Variants in TNRC6A observed in about 807,000 individuals in gnomAD.
The protein encoded by TNRC6A is trinucleotide repeat-containing gene 6A protein.
In TNRC6A, 44 loss-of-function variants were observed where a neutral mutation model predicts 221.2. The observed-to-expected ratio is 0.20, with a 90% CI of 0.16 to 0.26. The LOEUF is 0.26. Among genes scored for constraint, TNRC6A ranks in the 10% least tolerant of loss-of-function variants. TNRC6A has a pLI of 1.00. For synonymous variants in TNRC6A, 847 were observed against 838.5 expected (o/e 1.01, Z -0.18); for missense variants, 2,199 against 2,404.4 (o/e 0.91, Z 1.79).
chr16:24,822,067 C>G lies in TNRC6A; in HGVS notation c.5303-10C>G. On this transcript the variant is annotated splice_polypyrimidine_tract_variant and intron_variant, in intron 22 of 24. Coordinates refer to ENST00000395799, the MANE Select transcript of TNRC6A (RefSeq NM_014494.4). Reference sequence around the variant, plus strand: ...TGGAAAACTGACTTGTCCTTTTTTTCCTTGTTTAGGTTCCAGCTGGGGTGA... The same window carrying G: ...TGGAAAACTGACTTGTCCTTTTTTTGCTTGTTTAGGTTCCAGCTGGGGTGA... 1 of 1,609,978 alleles carries G rather than the reference C, an allele frequency of 6.2e-7. No individual in the cohort carries two copies.
At chr16:24,747,373 GT>G (rs1387015146) in intron 2 of TNRC6A, among the ~76,000 whole-genome samples, 2 of 152,142 alleles carry the variant, frequency 1.3e-5, no homozygotes, top group Admixed American at 1.3e-4. Context: ...GGGGAGTCTG[GT>G]TTTTACAGAC....
chr16:24,677,705 G>A (rs553517020), intron 2 of TNRC6A, among the ~76,000 whole-genome samples: 1 of 152,108 alleles, frequency 6.6e-6, no homozygotes, highest in Non-Finnish European at 1.5e-5. Context: ...ACTCCATGAG[G>A]GTTTGAGCTT....
chr16:24,737,308 TTTGA>T (rs2056792172), intron 2 of TNRC6A, among the ~76,000 whole-genome samples: 2 of 152,168 alleles, frequency 1.3e-5, no homozygotes, highest in African/African-American at 4.8e-5. Context: ...GAGGAAGATG[TTTGA>T]GATTCAAAAG....
At chr16:24,719,182 A>G (rs546845880) in intron 2 of TNRC6A, among the ~76,000 whole-genome samples, 3 of 152,290 alleles carry the variant, frequency 2.0e-5, no homozygotes, top group Admixed American at 2.0e-4. Flanking sequence ...CTAGGCAGAT[A>G]TGGCCTTTGC....
chr16:24,779,920 C>T (rs1364291440), intron 5 of TNRC6A, among the ~76,000 whole-genome samples: 2 of 152,114 alleles, frequency 1.3e-5, no homozygotes, highest in African/African-American at 2.4e-5. Flanking sequence ...CAGACCAGCC[C>T]TGGGCTGCCA....
chr16:24,767,140 C>T (rs1410431312), intron 4 of TNRC6A, among the ~76,000 whole-genome samples: 1 of 152,094 alleles, frequency 6.6e-6, no homozygotes, highest in African/African-American at 2.4e-5. Flanking sequence ...TGGACCATAT[C>T]GTATATATGA....
intron 5 of TNRC6A, among the ~76,000 whole-genome samples, chr16:24,778,634 C>T (rs1238502642): frequency 1.3e-5 from 2 of 152,146 alleles, no homozygotes; most frequent in African/African-American, 2.4e-5. Context: ...TAGTACCCAA[C>T]CCTATAAGGC....
chr16:24,621,390 T>C (rs1900667997), intron 1 of TNRC6A, among the ~76,000 whole-genome samples: 1 of 135,496 alleles, frequency 7.4e-6, no homozygotes, highest in African/African-American at 2.8e-5. Flanking sequence ...ACAGAGTCTC[T>C]CTCTGTCGCC....
rs377564382 is a variant in TNRC6A, at chr16:24,787,763, ATCT to A, written c.590-1464_590-1462del. ...AGTCACTTTTCCAGACTGTTTCCAG[ATCT>A]TCTTTTGCTTCTTAATGATTGTGCT... On this transcript the variant is annotated intron_variant, in intron 5 of 24. Transcript: ENST00000395799. Among the ~76,000 whole-genome samples the A allele has an allele frequency of 7.2e-5, 11 of 152,228 alleles. No homozygotes were observed. In the East Asian group the frequency reaches 1.9e-3, roughly 27 times the overall value.
chr16:24,754,089 A>G (rs559137791), intron 3 of TNRC6A, among the ~76,000 whole-genome samples: 3 of 152,322 alleles, frequency 2.0e-5, no homozygotes, highest in South Asian at 4.1e-4. Context: ...ATAATAGGGT[A>G]TAAAATAGGT....
At chr16:24,727,683 ATGT>A (rs1224140285), upstream of TNRC6A, among the ~76,000 whole-genome samples, 3 of 152,190 alleles carry the variant, frequency 2.0e-5, no homozygotes, top group Non-Finnish European at 4.4e-5. Flanking sequence ...TCATTGCCTT[ATGT>A]TGTTGTGAAA....
chr16:24,757,907 T>C (rs1342924502), intron 3 of TNRC6A, among the ~76,000 whole-genome samples: 1 of 152,236 alleles, frequency 6.6e-6, no homozygotes, highest in African/African-American at 2.4e-5. Context: ...ACAGCTTTTC[T>C]TACAGAAAAC....
At chr16:24,684,209 G>A (rs2055583587) in intron 2 of TNRC6A, among the ~76,000 whole-genome samples, 1 of 151,788 alleles carries the variant, frequency 6.6e-6, no homozygotes, top group Non-Finnish European at 1.5e-5. Context: ...GACCAGCCTG[G>A]GCAACACAAT....
upstream of TNRC6A, among the ~76,000 whole-genome samples, chr16:24,728,905 AT>A (rs1415799086): frequency 2.6e-5 from 4 of 151,940 alleles, no homozygotes; most frequent in Non-Finnish European, 4.4e-5. Flanking sequence ...CCATGCCGGG[AT>A]TATTCCTCCA....
chr16:24,746,604 C>T (rs772129918), intron 2 of TNRC6A, among the ~76,000 whole-genome samples: 7 of 152,126 alleles, frequency 4.6e-5, no homozygotes, highest in Non-Finnish European at 2.9e-5. Context: ...TATCTTTGTA[C>T]GGTTCCTTTT....
chr16:24,643,110 A>ATATATATATTTTATATATATATTTT, intron 2 of TNRC6A, among the ~76,000 whole-genome samples: 1 of 56,804 alleles, frequency 1.8e-5, no homozygotes, highest in South Asian at 8.0e-4. Context: ...ATATATATAA[A>ATATATATATTTTATATATATATTTT]ATATATATAT....
intron 1 of TNRC6A, among the ~76,000 whole-genome samples, chr16:24,636,062 A>C (rs1221307272): frequency 6.6e-6 from 1 of 152,198 alleles, no homozygotes; most frequent in Non-Finnish European, 1.5e-5. Context: ...AGCAGTTCCA[A>C]TGGCAGGGTG....
intron 20 of TNRC6A, among the ~76,000 whole-genome samples, chr16:24,817,663 A>G (rs1189361595): frequency 6.6e-6 from 1 of 152,190 alleles, no homozygotes; most frequent in African/African-American, 2.4e-5. Flanking sequence ...TTTTTTAAAT[A>G]TTAAAAAGTA....
At chr16:24,651,612 A>C (rs1232649479) in intron 2 of TNRC6A, among the ~76,000 whole-genome samples, 1 of 150,610 alleles carries the variant, frequency 6.6e-6, no homozygotes, top group Non-Finnish European at 1.5e-5. Context: ...TAATCCCAGC[A>C]CTTTGGGAGG....
Sources: gnomAD v4.1 joint callset for allele counts (sites outside exome capture counted in the v4.1 genomes callset) on GRCh38, gnomAD v4.1.1 for gene constraint, MANE v1.5 for transcripts, NCBI Gene and HGNC (gene_info 2026-07-23, HGNC 2026-07-21) for gene names.